NCOR2: variants seen among roughly 807,000 people sequenced by gnomAD.
NCOR2 encodes the protein CTG repeat protein 26.
NCOR2 carries 81 observed loss-of-function variants against 262.9 expected under a neutral mutation model. The observed-to-expected ratio is 0.31, with a 90% CI of 0.26 to 0.37. The LOEUF is 0.37. NCOR2 is among the 10% of genes least tolerant of loss of function. The pLI, the probability that NCOR2 is intolerant of heterozygous loss-of-function variation, is 1.00. For missense variants in NCOR2, 3,385 were observed against 3,621.4 expected (o/e 0.93, Z 1.68); for synonymous variants, 1,659 against 1,559.3 (o/e 1.06, Z -1.51).
chr12:124,337,074 G>A (rs775386457), exon 38 of NCOR2: 1 of 1,485,760 alleles, frequency 6.7e-7, no homozygotes, highest in South Asian at 1.4e-5. Context: ...AGCAAGACGG[G>A]CTCCATGAGG....
chr12:124,356,131 C>G (rs536582363), intron 23 of NCOR2, among the ~76,000 whole-genome samples: 41 of 152,386 alleles, frequency 2.7e-4, no homozygotes, highest in African/African-American at 9.9e-4. Flanking sequence ...TTCCGTCTGC[C>G]TGGCATGACT....
At chr12:124,546,222 G>A (rs570795911) in intron 1 of NCOR2, among the ~76,000 whole-genome samples, 3 of 152,194 alleles carry the variant, frequency 2.0e-5, no homozygotes, top group Non-Finnish European at 4.4e-5. Context: ...TCAGCTCACA[G>A]GGCTGACTCA....
chr12:124,386,443 C>T (rs2040813751), intron 16 of NCOR2, among the ~76,000 whole-genome samples: 1 of 152,168 alleles, frequency 6.6e-6, no homozygotes, highest in East Asian at 1.9e-4. Context: ...GGCCAGGAGC[C>T]TCCAGGCCCA....
chr12:124,503,985 C>T lies in NCOR2; in HGVS notation c.-117-8617G>A, dbSNP rs149230353. On this transcript the variant is annotated intron_variant, in intron 1 of 46. Transcript: ENST00000404621. The surrounding 1 kb of genome is among the most constrained non-coding windows in gnomAD (Gnocchi z 4.3). ...TTCAGGAACCCCCAAACCCATATAA[C>T]TGCTCCCCAAGTCCCAGCCTGCTGA... Among the ~76,000 whole-genome samples, 36 of 152,314 alleles carry T rather than the reference C, an allele frequency of 2.4e-4. No homozygotes were observed. In the East Asian group the frequency reaches 6.6e-3, roughly 28 times the overall value.
At chr12:124,438,108 C>G (rs2044471176) in intron 7 of NCOR2, 112 bp from the exon 10 acceptor site, 5 of 1,000,972 alleles carry the variant, frequency 5.0e-6, no homozygotes, top group Admixed American at 2.1e-5. Flanking sequence ...TATTGGTTCT[C>G]AGGGAGATGA....
chr12:124,469,452 G>GTT (rs2046714946), intron 4 of NCOR2, among the ~76,000 whole-genome samples: 1 of 152,148 alleles, frequency 6.6e-6, no homozygotes, highest in Non-Finnish European at 1.5e-5. Context: ...GCCAAGAAGG[G>GTT]GAAGAAGCCC....
At chr12:124,528,066 G>GACGTCATCCCTTCCACGACT (rs1211050122) in intron 1 of NCOR2, among the ~76,000 whole-genome samples, 1 of 151,914 alleles carries the variant, frequency 6.6e-6, no homozygotes, top group African/African-American at 2.4e-5. Context: ...CTGCGGAACA[G>GACGTCATCCCTTCCACGACT]ACGTCATCCC....
chr12:124,438,096 G>A (rs1456279271), intron 7 of NCOR2, 100 bp from the exon 10 acceptor site: 75 of 1,169,974 alleles, frequency 6.4e-5, no homozygotes, highest in Admixed American at 2.2e-4. Context: ...AATTTGCCCC[G>A]TTATTGGTTC....
exon 31 of NCOR2, chr12:124,346,785 G>C: frequency 6.4e-7 from 1 of 1,564,054 alleles, no homozygotes; most frequent in South Asian, 1.2e-5. Flanking sequence ...GTGCCCTCCC[G>C]CTTTAGGAGC....
chr12:124,352,426 T>C (rs1175576087), intron 27 of NCOR2, among the ~76,000 whole-genome samples: 1 of 133,480 alleles, frequency 7.5e-6, no homozygotes, highest in Non-Finnish European at 1.6e-5. Flanking sequence ...CAGGCTGGAG[T>C]GCAGAACACT....
At chr12:124,377,903 G>A (rs1225490955) in intron 18 of NCOR2, among the ~76,000 whole-genome samples, 3 of 151,904 alleles carry the variant, frequency 2.0e-5, no homozygotes, top group Admixed American at 1.3e-4. Flanking sequence ...GACATCGGAT[G>A]GGGTGAAAGA....
At chr12:124,563,864 G>A (rs1034002472) in intron 1 of NCOR2, among the ~76,000 whole-genome samples, 6 of 152,168 alleles carry the variant, frequency 3.9e-5, no homozygotes, top group Non-Finnish European at 7.4e-5. Context: ...TATCCTCTAC[G>A]GCAGCTTTGC....
chr12:124,430,033 T>A (rs564313134), intron 9 of NCOR2, among the ~76,000 whole-genome samples: 35 of 151,404 alleles, frequency 2.3e-4, no homozygotes, highest in Admixed American at 3.9e-4. Flanking sequence ...TGCCTCAGTT[T>A]CCTCCCCTGT....
chr12:124,480,457 G>A (rs1447531802), intron 3 of NCOR2, among the ~76,000 whole-genome samples: 1 of 152,208 alleles, frequency 6.6e-6, no homozygotes, highest in Non-Finnish European at 1.5e-5. Flanking sequence ...CCTGCCATCG[G>A]CATCCTCTGT....
At chr12:124,404,230 G>T (rs1375706783) in intron 13 of NCOR2, among the ~76,000 whole-genome samples, 1 of 152,216 alleles carries the variant, frequency 6.6e-6, no homozygotes, top group Admixed American at 6.5e-5. Flanking sequence ...GATGTGGCTG[G>T]CTGGGGAGAG....
At position 124,432,161 on chromosome 12, in the gene NCOR2, C is replaced by T. The variant is rs1043673484; in HGVS notation, c.883-1374G>A. Among the ~76,000 whole-genome samples, 2 of 152,044 alleles carry T rather than the reference C, an allele frequency of 1.3e-5. No individual in the cohort carries two copies. Among genetic ancestry groups the T allele is most frequent in the African/African-American group, 4.8e-5 (2 of 41,374 alleles). On this transcript the variant is annotated intron_variant, in intron 8 of 46. Transcript: ENST00000405201. The surrounding 1 kb of genome is among the most constrained non-coding windows in gnomAD (Gnocchi z 5.1). The stretch of plus-strand genomic sequence containing the variant: ...GCAGGCAGACAAACAGATGCACACA[C>T]AGGGTCTCGCAGGCAGACATGATGG...
chr12:124,554,939 C>T (rs527260376), intron 1 of NCOR2, among the ~76,000 whole-genome samples: 1 of 152,360 alleles, frequency 6.6e-6, no homozygotes, highest in South Asian at 2.1e-4. Flanking sequence ...GAGACGTGGG[C>T]TTTGATGTCC....
At chr12:124,429,511 G>C in intron 10 of NCOR2, 102 bp downstream of exon 12, 2 of 1,283,608 alleles carry the variant, frequency 1.6e-6, no homozygotes, top group South Asian at 2.6e-5. Context: ...AAAGCCCCTC[G>C]ACGTAAACCA....
At chr12:124,494,126 T>C (rs1228521790) in intron 1 of NCOR2, among the ~76,000 whole-genome samples, 3 of 152,172 alleles carry the variant, frequency 2.0e-5, no homozygotes, top group Non-Finnish European at 4.4e-5. Flanking sequence ...AGTGAGCTTA[T>C]ATGCAAAACC....
Sources: allele counts gnomAD v4.1 joint callset (sites outside exome capture counted in the v4.1 genomes callset), GRCh38; gene constraint gnomAD v4.1.1; non-coding constraint Gnocchi (gnomAD v3.1); transcripts MANE v1.5; gene names NCBI Gene and HGNC (gene_info 2026-07-23, HGNC 2026-07-21).